The following AHI1 variants were observed in gnomAD, a reference collection of about 807,000 sequenced individuals.
AHI1 encodes Abelson helper integration site 1.
A neutral mutation model predicts 149.3 loss-of-function variants in AHI1; 123 were observed. The observed-to-expected ratio is 0.82, with a 90% CI of 0.71 to 0.96. The LOEUF (loss-of-function observed/expected upper bound fraction) is 0.96, where lower values mean the gene tolerates loss of function less well. AHI1 is among the 40% of genes least tolerant of loss of function. The pLI, the probability that AHI1 is intolerant of heterozygous loss-of-function variation, is 0.00. For synonymous variants in AHI1, 475 were observed against 459.8 expected, an observed-to-expected ratio of 1.03 and a Z score of -0.42; for missense variants, 1,439 against 1,422.7, an observed-to-expected ratio of 1.01 and a Z score of -0.18.
chr6:135,496,218 G>C (rs1246562995), intron 2 of AHI1, among the ~76,000 whole-genome samples: 1 of 151,996 alleles, frequency 6.6e-6, no homozygotes, highest in African/African-American at 2.4e-5. Flanking sequence ...CTGGGTTCAA[G>C]CAATTCACCT....
intron 23 of AHI1, among the ~76,000 whole-genome samples, chr6:135,390,670 T>C (rs1247648467): frequency 6.6e-6 from 1 of 152,114 alleles, no homozygotes; most frequent in African/African-American, 2.4e-5. Flanking sequence ...ATGTGAATTC[T>C]AACATGTCAG....
At chr6:135,431,631 T>C (rs1158522317) in intron 16 of AHI1, among the ~76,000 whole-genome samples, 1 of 152,206 alleles carries the variant, frequency 6.6e-6, no homozygotes, top group East Asian at 1.9e-4. Flanking sequence ...GCCAAATAAT[T>C]TGAACCATCC....
At position 135,284,765 on chromosome 6, in the gene AHI1, T is replaced by C. The variant is rs1781516270; in HGVS notation, c.*880A>G. ...CACTTTTAATTTAGGTCTATGAAGT[T>C]ACCTATATGATTTGATCTTAAGAAA... is the stretch of plus-strand genomic sequence containing the variant. On this transcript the variant is annotated 3_prime_UTR_variant, in exon 29 of 29. Transcript: ENST00000265602. 1 of 152,218 alleles carries C rather than the reference T, an allele frequency of 6.6e-6. No individual in the cohort carries two copies. The highest frequency in any genetic ancestry group is 1.5e-5 in the Non-Finnish European group (1 of 68,042). The allele number at this position is 152,218 out of a possible 1,614,324, so 9.4% of individuals were successfully genotyped here. A position where few individuals can be genotyped will look rare whatever the true frequency, so the allele number is the denominator to read the frequency against.
chr6:135,353,382 C>A (rs1242082474), intron 24 of AHI1, among the ~76,000 whole-genome samples: 8 of 152,022 alleles, frequency 5.3e-5, no homozygotes, highest in African/African-American at 1.9e-4. Context: ...GGCCCATTCA[C>A]CCCAGTTTAC....
At chr6:135,373,109 G>A (rs1775313273) in intron 23 of AHI1, among the ~76,000 whole-genome samples, 1 of 152,162 alleles carries the variant, frequency 6.6e-6, no homozygotes, top group Non-Finnish European at 1.5e-5. Flanking sequence ...TTACCCTTTG[G>A]TAATGTTCCT....
intron 23 of AHI1, among the ~76,000 whole-genome samples, chr6:135,366,311 A>C (rs1200273768): frequency 6.6e-6 from 1 of 151,908 alleles, no homozygotes; most frequent in Non-Finnish European, 1.5e-5. Context: ...AGAATGATTT[A>C]GGAAAGATTC....
rs112539732 is a variant in AHI1, at chr6:135,368,638, G to A, written c.3110-10451C>T. Among the ~76,000 whole-genome samples the A allele has an allele frequency of 9.3e-3, 1,420 of 152,222 alleles. 19 individuals carry two copies. Among genetic ancestry groups the A allele is most frequent in the African/African-American group, 0.032 (1,326 of 41,528 alleles). On this transcript the variant is annotated intron_variant, in intron 23 of 28. Transcript: ENST00000265602. Reference sequence around the variant, plus strand: ...GAGTTACTTTCCCAGGAGGATTATGGCTGCCACTGCTGTGTCATATAGGTC... The same window carrying A: ...GAGTTACTTTCCCAGGAGGATTATGACTGCCACTGCTGTGTCATATAGGTC...
chr6:135,360,239 A>C (rs1287775201), intron 23 of AHI1, among the ~76,000 whole-genome samples: 2 of 152,240 alleles, frequency 1.3e-5, no homozygotes, highest in Non-Finnish European at 2.9e-5. Context: ...GGTTAGTATT[A>C]TATGTCTACT....
At chr6:135,388,509 A>G (rs888387932) in intron 23 of AHI1, among the ~76,000 whole-genome samples, 1 of 152,244 alleles carries the variant, frequency 6.6e-6, no homozygotes, top group African/African-American at 2.4e-5. Context: ...AGAATATCAC[A>G]GAATCTCTGG....
chr6:135,325,177 C>T (rs1042357981), intron 24 of AHI1, among the ~76,000 whole-genome samples: 1 of 152,112 alleles, frequency 6.6e-6, no homozygotes, highest in African/African-American at 2.4e-5. Flanking sequence ...CAGGCGCCCA[C>T]CACCGCGCCT....
At chr6:135,288,391 A>G (rs2128338206) in intron 28 of AHI1, among the ~76,000 whole-genome samples, 1 of 152,202 alleles carries the variant, frequency 6.6e-6, no homozygotes, top group Middle Eastern at 3.4e-3. Context: ...GTTTCTTTAA[A>G]TGTAGAAACA....
chr6:135,465,905 G>A lies in AHI1; in HGVS notation c.658C>T (p.Pro220Ser). ...TCATCATGGAATAAAGTATCTGAGG[G>A]AAAGTAAGTCAACTGTTCTTTCAGT... ...KKLKEQLTYF[P>S]SDTLFHDDKL... is the part of the protein sequence containing the mutation. Residue 220 changes from proline to serine, a missense_variant, in exon 7 of 29, where the codon CCC becomes TCC. Coordinates refer to ENST00000265602, the MANE Select transcript of AHI1 (RefSeq NM_001134831.2). 2 of 1,590,744 alleles carry A rather than the reference G, an allele frequency of 1.3e-6. No individual in the cohort carries two copies. Among genetic ancestry groups the A allele is most frequent in the Non-Finnish European group, 1.7e-6 (2 of 1,169,796 alleles).
rs1260384318 is a variant in AHI1 at position 135,436,339 on chromosome 6, C to T, written c.2036+2036G>A. 2.0e-5 allele frequency among the ~76,000 whole-genome samples: 3 copies of T among 152,068 alleles called. No individual in the cohort carries two copies. The East Asian group carries it at 5.8e-4, about 29-fold the overall frequency. Reference sequence around the variant, plus strand: ...ACTATGAATTCAAAATATTTCAAGACTGGTCAATAATCAATTACTACAGTG... The same window carrying T: ...ACTATGAATTCAAAATATTTCAAGATTGGTCAATAATCAATTACTACAGTG... On this transcript the variant is annotated intron_variant, in intron 15 of 28. Coordinates refer to ENST00000265602, the MANE Select transcript of AHI1 (RefSeq NM_001134831.2).
intron 5 of AHI1, chr6:135,489,895 C>CAA (rs879147569): frequency 0.012 from 1,727 of 142,314 alleles, no homozygotes; most frequent in East Asian, 0.016. Context: ...AAACTCCTGC[C>CAA]AAAAAAAAAA....
intron 15 of AHI1, among the ~76,000 whole-genome samples, chr6:135,436,143 T>C (rs17064513): frequency 0.01 from 1,559 of 152,128 alleles, 33 homozygotes; most frequent in African/African-American, 0.036. Context: ...GAGTCAAAGC[T>C]GGGAAAGGTA....
At chr6:135,413,525 A>G (rs1162717975) in intron 20 of AHI1, among the ~76,000 whole-genome samples, 1 of 152,042 alleles carries the variant, frequency 6.6e-6, no homozygotes. Flanking sequence ...AGGTAGAGCT[A>G]AAGTGGAGTA....
At chr6:135,469,921 C>T (rs1305843644) in intron 5 of AHI1, among the ~76,000 whole-genome samples, 2 of 152,042 alleles carry the variant, frequency 1.3e-5, no homozygotes, top group East Asian at 1.9e-4. Flanking sequence ...GATTTCATAA[C>T]AAAAATGTCA....
In AHI1 at chr6:135,457,497, T is replaced by C. The variant is rs1789162289; in HGVS notation, c.1148A>G (p.Asp383Gly). 6.2e-7 allele frequency: 1 copy of C among 1,606,604 alleles called. No individual in the cohort carries two copies. The highest frequency in any genetic ancestry group is 1.1e-5 in the South Asian group (1 of 90,084). The change falls in exon 9 of 29, where the codon GAT becomes GGT. Residue 383 changes from aspartate to glycine, a missense_variant. Coordinates refer to ENST00000265602, the MANE Select transcript of AHI1 (RefSeq NM_001134831.2). ...EHTGQYVKKDDSGRPVSSYYE... is the reference protein window; with the variant it reads ...EHTGQYVKKDGSGRPVSSYYE... ...TTGTGCAATTAAAAAAAATTACCTATCATCTTTCTTGACATATTGACCAGT... is the reference window on the plus strand; with the variant it reads ...TTGTGCAATTAAAAAAAATTACCTACCATCTTTCTTGACATATTGACCAGT...
At position 135,433,166 on chromosome 6, in the gene AHI1, T is replaced by C; in HGVS notation, c.2127A>G (p.Val709=). 2 of 1,613,236 alleles carry C rather than the reference T, an allele frequency of 1.2e-6. No homozygotes were observed. The highest frequency in any genetic ancestry group is 1.7e-6 in the Non-Finnish European group (2 of 1,179,266). Residue 709 remains valine, a synonymous_variant, in exon 16 of 29, where the codon GTA becomes GTG. Transcript: ENST00000265602. ...FVYTAKFHPA[V]RELVVTGCYD... ...AGCATCCTGTAACTACTAGCTCTCT[T>C]ACAGCTGGATGGAATTTAGCCGTGT...
Sources: allele counts gnomAD v4.1 joint callset (sites outside exome capture counted in the v4.1 genomes callset), GRCh38; gene constraint gnomAD v4.1.1; transcripts MANE v1.5; gene names NCBI Gene and HGNC (gene_info 2026-07-23, HGNC 2026-07-21).